The following MGAT4C variants were observed in gnomAD, a reference collection of about 807,000 sequenced individuals.
MGAT4C encodes MGAT4 family member C, also known as alpha-1,3-mannosyl-glycoprotein 4-beta-N-acetylglucosaminyltransferase C.
Under a neutral mutation model 40.1 loss-of-function variants are expected in MGAT4C, and 19 were observed. That is an observed-to-expected ratio of 0.47 (90% CI 0.33 to 0.70). The LOEUF is 0.70. Ranked by LOEUF, MGAT4C falls within the 30% of genes least tolerant of loss-of-function variation. MGAT4C has a pLI of 0.02. For missense variants in MGAT4C, 491 were observed against 563.2 expected (o/e 0.87, Z 1.30); for synonymous variants, 181 against 187.1 (o/e 0.97, Z 0.27).
rs770094143 is a variant in MGAT4C at position 86,782,745 on chromosome 12, T to TA, written c.-261-55505dup. 9.2e-5 allele frequency among the ~76,000 whole-genome samples: 14 copies of TA among 151,996 alleles called. No homozygotes were observed. In the East Asian group the frequency reaches 1.4e-3, roughly 15 times the overall value. Reference sequence around the variant, plus strand: ...TTAATCCAGTAGAACTGGTGTCCTTTAAAAAAAGAAAGAGATACCAATGAT... The same window carrying TA: ...TTAATCCAGTAGAACTGGTGTCCTTTAAAAAAAAGAAAGAGATACCAATGAT... On this transcript the variant is annotated intron_variant, in intron 1 of 7. Coordinates refer to the MGAT4C transcript ENST00000548651.
chr12:86,028,154 C>A (rs770566369), intron 2 of MGAT4C: 26 of 1,288,426 alleles, frequency 2.0e-5, no homozygotes, highest in Non-Finnish European at 2.4e-5. Flanking sequence ...GTCTTTCTTA[C>A]AACAAATCTG....
chr12:86,110,277 T>TAGAG (rs1877054165), intron 1 of MGAT4C, among the ~76,000 whole-genome samples: 1 of 68,318 alleles, frequency 1.5e-5, no homozygotes, highest in South Asian at 5.4e-4. Context: ...ACTATATATA[T>TAGAG]AGTCTATATA....
intron 1 of MGAT4C, among the ~76,000 whole-genome samples, chr12:86,079,761 T>C (rs1360987793): frequency 6.6e-6 from 1 of 151,098 alleles, no homozygotes; most frequent in Non-Finnish European, 1.5e-5. Flanking sequence ...AAAAATAATA[T>C]ATATAAAATA....
intron 2 of MGAT4C, among the ~76,000 whole-genome samples, chr12:86,473,772 C>A (rs1957788311): frequency 6.6e-6 from 1 of 152,122 alleles, no homozygotes; most frequent in Admixed American, 6.5e-5. Context: ...GATATTCAAT[C>A]ATTTTTGCTT....
intron 2 of MGAT4C, among the ~76,000 whole-genome samples, chr12:86,725,127 A>G (rs1214392000): frequency 2.6e-5 from 4 of 152,222 alleles, no homozygotes; most frequent in African/African-American, 9.6e-5. Flanking sequence ...ATATTATGGA[A>G]TTGCCTAGCA....
Position 86,263,245 on chromosome 12 carries a change from G to A in MGAT4C, c.-57+70820C>T, listed in dbSNP as rs144428142. ...TTGTTACATGCATCCATCACAAAGA[G>A]GTCAATTCAAGGCTTTTAGGGTATC... is the stretch of plus-strand genomic sequence containing the variant. On this transcript the variant is annotated intron_variant, in intron 4 of 7. Coordinates refer to the MGAT4C transcript ENST00000548651. 5.7e-3 allele frequency among the ~76,000 whole-genome samples: 868 copies of A among 152,100 alleles called. 4 individuals carry two copies. Among genetic ancestry groups the A allele is most frequent in the Middle Eastern group, 0.01 (3 of 294 alleles).
At chr12:86,562,530 T>C (rs1371471326) in intron 2 of MGAT4C, among the ~76,000 whole-genome samples, 7 of 152,092 alleles carry the variant, frequency 4.6e-5, no homozygotes, top group African/African-American at 1.7e-4. Flanking sequence ...TACACCTTTG[T>C]CTGAGGAGAT....
chr12:86,720,402 A>T (rs1950718207), intron 2 of MGAT4C, among the ~76,000 whole-genome samples: 1 of 152,202 alleles, frequency 6.6e-6, no homozygotes, highest in Non-Finnish European at 1.5e-5. Flanking sequence ...GTGGAAACAG[A>T]CTTGACCTCC....
At chr12:86,554,485 T>C (rs1042350708) in intron 2 of MGAT4C, among the ~76,000 whole-genome samples, 7 of 152,224 alleles carry the variant, frequency 4.6e-5, no homozygotes, top group Non-Finnish European at 1.0e-4. Context: ...TACTAGTCTG[T>C]GTATCCTTTT....
chr12:86,566,531 CATATATAT>C (rs71078910), intron 2 of MGAT4C, among the ~76,000 whole-genome samples: 2,383 of 39,456 alleles, frequency 0.06, 35 homozygotes, highest in Non-Finnish European at 0.093. Context: ...AACTCATATA[CATATATAT>C]ATATATATAT....
intron 2 of MGAT4C, among the ~76,000 whole-genome samples, chr12:86,519,074 A>G (rs1178562281): frequency 6.6e-6 from 1 of 152,170 alleles, no homozygotes; most frequent in Non-Finnish European, 1.5e-5. Context: ...AAAGAAATAC[A>G]AGGAAATTTT....
intron 2 of MGAT4C, among the ~76,000 whole-genome samples, chr12:86,567,780 G>GTCCT (rs1960196103): frequency 6.6e-6 from 1 of 152,280 alleles, no homozygotes; most frequent in East Asian, 1.9e-4. Context: ...ATTGTCATGA[G>GTCCT]TATTTCTTCC....
At chr12:86,785,614 T>G (rs1157449071) in intron 1 of MGAT4C, among the ~76,000 whole-genome samples, 1 of 151,800 alleles carries the variant, frequency 6.6e-6, no homozygotes, top group African/African-American at 2.4e-5. Context: ...AAAATAACAA[T>G]AGTCAATAAA....
At chr12:86,704,314 C>A (rs1950417968) in intron 2 of MGAT4C, among the ~76,000 whole-genome samples, 1 of 151,984 alleles carries the variant, frequency 6.6e-6, no homozygotes, top group South Asian at 2.1e-4. Flanking sequence ...TAGAAACTGT[C>A]CTCTCTGGCT....
intron 3 of MGAT4C, among the ~76,000 whole-genome samples, chr12:86,336,617 TATC>T (rs1219927906): frequency 6.6e-6 from 1 of 152,090 alleles, no homozygotes; most frequent in Non-Finnish European, 1.5e-5. Context: ...ATAGAGGAAA[TATC>T]ATCAAAGCCA....
intron 2 of MGAT4C, among the ~76,000 whole-genome samples, chr12:86,466,674 A>G (rs1957686636): frequency 1.3e-5 from 2 of 152,186 alleles, no homozygotes; most frequent in African/African-American, 2.4e-5. Context: ...CAGAACTCTA[A>G]TGTAAACTAT....
intron 2 of MGAT4C, among the ~76,000 whole-genome samples, chr12:86,440,533 G>A (rs561694546): frequency 1.5e-3 from 230 of 152,028 alleles, no homozygotes; most frequent in African/African-American, 5.2e-3. Flanking sequence ...ACTGAATGGG[G>A]AAAAGAAGAA....
chr12:86,567,130 T>C (rs537236572), intron 2 of MGAT4C, among the ~76,000 whole-genome samples: 72 of 152,244 alleles, frequency 4.7e-4, no homozygotes, highest in Non-Finnish European at 8.4e-4. Context: ...TCTGAATCAG[T>C]ATCCAATATA....
At chr12:86,419,615 G>T (rs1032608994) in intron 3 of MGAT4C, among the ~76,000 whole-genome samples, 2 of 152,074 alleles carry the variant, frequency 1.3e-5, no homozygotes, top group African/African-American at 2.4e-5. Flanking sequence ...ATCTTCTGAA[G>T]GGAGTAAAAA....
Sources: gnomAD v4.1 joint callset for allele counts (sites outside exome capture counted in the v4.1 genomes callset) on GRCh38, gnomAD v4.1.1 for gene constraint, MANE v1.5 for transcripts, NCBI Gene and HGNC (gene_info 2026-07-23, HGNC 2026-07-21) for gene names.